Variants in MAP3K20 observed in about 807,000 individuals in gnomAD.
MAP3K20 encodes the protein HCCS-4.
Under a neutral mutation model 85.7 loss-of-function variants are expected in MAP3K20, and 40 were observed. That is an observed-to-expected ratio of 0.47 (90% CI 0.36 to 0.61). MAP3K20 has a LOEUF of 0.61. Ranked by LOEUF, MAP3K20 falls within the 20% of genes least tolerant of loss-of-function variation. The pLI is 0.00. For synonymous variants in MAP3K20, 325 were observed against 327.7 expected, an observed-to-expected ratio of 0.99 and a Z score of 0.09; for missense variants, 817 against 961.7, an observed-to-expected ratio of 0.85 and a Z score of 1.99.
At chr2:173,122,213 T>G (rs1423755980) in intron 2 of MAP3K20, among the ~76,000 whole-genome samples, 4 of 152,272 alleles carry the variant, frequency 2.6e-5, no homozygotes, top group African/African-American at 9.6e-5. Context: ...GTCAAAGTTT[T>G]TCCCTCTGGG....
At chr2:173,105,448 TACAA>T (rs1687758220) in intron 2 of MAP3K20, among the ~76,000 whole-genome samples, 1 of 152,184 alleles carries the variant, frequency 6.6e-6, no homozygotes, top group African/African-American at 2.4e-5. Flanking sequence ...TCTTTTTTGA[TACAA>T]ACAATGAACA....
chr2:173,094,444 T>G (rs1687399685), intron 2 of MAP3K20, among the ~76,000 whole-genome samples: 2 of 152,192 alleles, frequency 1.3e-5, no homozygotes, highest in South Asian at 4.1e-4. Flanking sequence ...TTATACAGTC[T>G]ATATTCACAT....
At chr2:173,116,674 A>G (rs1313437118) in intron 2 of MAP3K20, among the ~76,000 whole-genome samples, 1 of 152,202 alleles carries the variant, frequency 6.6e-6, no homozygotes, top group Non-Finnish European at 1.5e-5. Flanking sequence ...GCTTCTAACC[A>G]TCATCAAGTG....
At chr2:173,163,805 G>A (rs1324471810) in intron 2 of MAP3K20, among the ~76,000 whole-genome samples, 1 of 152,138 alleles carries the variant, frequency 6.6e-6, no homozygotes, top group East Asian at 1.9e-4. Flanking sequence ...TGGAATATAA[G>A]TAATAGAATT....
intron 3 of MAP3K20, among the ~76,000 whole-genome samples, chr2:173,178,637 G>T (rs918636994): frequency 1.3e-5 from 2 of 151,982 alleles, no homozygotes; most frequent in Non-Finnish European, 2.9e-5. Flanking sequence ...GAGCAAGACT[G>T]TTTCAAAAAA....
intron 12 of MAP3K20, among the ~76,000 whole-genome samples, chr2:173,231,707 C>T (rs1684526810): frequency 6.6e-6 from 1 of 152,150 alleles, no homozygotes; most frequent in South Asian, 2.1e-4. Flanking sequence ...GTCACTGGGT[C>T]CAATCTCCTC....
chr2:173,088,712 T>C (rs533688912), intron 1 of MAP3K20, among the ~76,000 whole-genome samples: 1 of 152,306 alleles, frequency 6.6e-6, no homozygotes, highest in South Asian at 2.1e-4. Flanking sequence ...GCAAATGGTG[T>C]TTGACATTTG....
chr2:173,121,286 C>G (rs1324285302), intron 2 of MAP3K20, among the ~76,000 whole-genome samples: 1 of 152,192 alleles, frequency 6.6e-6, no homozygotes, highest in Non-Finnish European at 1.5e-5. Flanking sequence ...AAGTGGTTTC[C>G]TTTGTCGGAA....
rs563557558 is a variant in MAP3K20 at position 173,090,743 on chromosome 2, T to C, written c.-34-255T>C. On this transcript the variant is annotated intron_variant, in intron 1 of 19. Transcript: ENST00000375213. ...GTAGGAAGTGCTGCTGCAGGTTTTGTCTGGGGGATATCTGAGCCATTTCTC... is the reference window on the plus strand; with the variant it reads ...GTAGGAAGTGCTGCTGCAGGTTTTGCCTGGGGGATATCTGAGCCATTTCTC... The C allele has an allele frequency of 1.1e-4, 117 of 1,071,774 alleles. No individual in the cohort carries two copies. The African/African-American group carries it at 1.8e-3, about 16-fold the overall frequency. 66.4% of individuals were successfully genotyped at this position (1,071,774 alleles called of 1,614,324 possible).
intron 1 of MAP3K20, 150 bp downstream of exon 1, chr2:173,076,152 C>G: frequency 2.0e-6 from 1 of 498,354 alleles, no homozygotes; most frequent in Non-Finnish European, 2.6e-6. Flanking sequence ...CTCCCCTCCC[C>G]GACCCAGGGC....
At chr2:173,241,112 T>A (rs1453297209) in intron 16 of MAP3K20, among the ~76,000 whole-genome samples, 1 of 152,146 alleles carries the variant, frequency 6.6e-6, no homozygotes, top group African/African-American at 2.4e-5. Context: ...GGCAAGAGGA[T>A]GCTGGGATGG....
rs116154812 is a variant in MAP3K20 at position 173,195,886 on chromosome 2, A to G, written c.583-2140A>G. On this transcript the variant is annotated intron_variant, in intron 7 of 19. Coordinates refer to ENST00000375213, the MANE Select transcript of MAP3K20 (RefSeq NM_016653.3). ...AGAGGGAGTCAAATGGAATTGGCTT[A>G]TTTTTTTCTTTATTTTTCACGGTTA... 5.5e-3 allele frequency among the ~76,000 whole-genome samples: 831 copies of G among 152,148 alleles called. 6 individuals carry two copies. Among genetic ancestry groups the G allele is most frequent in the African/African-American group, 0.019 (800 of 41,504 alleles).
chr2:173,190,760 T>C, intron 5 of MAP3K20, 135 bp from the exon 6 acceptor site: 2 of 851,062 alleles, frequency 2.4e-6, no homozygotes, highest in East Asian at 2.6e-5. Context: ...AAATCCTCAA[T>C]GCTGTAAATA....
At chr2:173,164,191 C>T (rs996207864) in intron 2 of MAP3K20, among the ~76,000 whole-genome samples, 1 of 152,120 alleles carries the variant, frequency 6.6e-6, no homozygotes, top group African/African-American at 2.4e-5. Flanking sequence ...AACTCCTGCC[C>T]TTGTGATCTG....
At chr2:173,122,914 C>T (rs772132341) in intron 2 of MAP3K20, among the ~76,000 whole-genome samples, 21 of 152,198 alleles carry the variant, frequency 1.4e-4, no homozygotes, top group Admixed American at 2.6e-4. Flanking sequence ...TCAGTCGTGA[C>T]ATCTCCTGCG....
chr2:173,164,930 C>A (rs986010698), intron 2 of MAP3K20, among the ~76,000 whole-genome samples: 1 of 151,952 alleles, frequency 6.6e-6, no homozygotes, highest in Non-Finnish European at 1.5e-5. Context: ...GGTTAATCAA[C>A]AAACTAAAAC....
intron 10 of MAP3K20, among the ~76,000 whole-genome samples, chr2:173,213,867 G>T (rs1302434428): frequency 6.6e-6 from 1 of 152,126 alleles, no homozygotes; most frequent in African/African-American, 2.4e-5. Flanking sequence ...CTGCTGAAAA[G>T]AATTATATGT....
chr2:173,079,368 A>G (rs996975275), intron 1 of MAP3K20, among the ~76,000 whole-genome samples: 1 of 152,188 alleles, frequency 6.6e-6, no homozygotes, highest in Non-Finnish European at 1.5e-5. Context: ...CAAGTCAGTG[A>G]GTGAGTGGTG....
intron 9 of MAP3K20, among the ~76,000 whole-genome samples, chr2:173,205,830 G>A (rs898877598): frequency 3.7e-4 from 56 of 152,052 alleles, no homozygotes; most frequent in African/African-American, 1.1e-3. Context: ...CAGTTGCATG[G>A]TTTTTGAATG....
Sources: gnomAD v4.1 joint callset for allele counts (sites outside exome capture counted in the v4.1 genomes callset) on GRCh38, gnomAD v4.1.1 for gene constraint, MANE v1.5 for transcripts, NCBI Gene and HGNC (gene_info 2026-07-23, HGNC 2026-07-21) for gene names.